PDE7B: variants seen among roughly 807,000 people sequenced by gnomAD.
PDE7B encodes phosphodiesterase 7B.
A neutral mutation model predicts 56.2 loss-of-function variants in PDE7B; 29 were observed. The observed-to-expected ratio is 0.52, with a 90% CI of 0.38 to 0.70. The LOEUF is 0.70. Ranked by LOEUF, PDE7B falls within the 30% of genes least tolerant of loss-of-function variation. The pLI, the probability that PDE7B is intolerant of heterozygous loss-of-function variation, is 0.00. For synonymous variants in PDE7B, 197 were observed against 196.9 expected (o/e 1.00, Z 0.00); for missense variants, 490 against 565.0 (o/e 0.87, Z 1.35).
intron 8 of PDE7B, 144 bp from the exon 9 acceptor site, chr6:136,173,653 T>C (rs1312466568): frequency 3.2e-6 from 2 of 617,168 alleles, no homozygotes; most frequent in Non-Finnish European, 5.7e-6. Context: ...GTTTTATCTT[T>C]TGGGTTTTTT....
chr6:135,879,532 G>A (rs553715382), intron 1 of PDE7B, among the ~76,000 whole-genome samples: 1 of 149,324 alleles, frequency 6.7e-6, no homozygotes, highest in Non-Finnish European at 1.5e-5. Context: ...ACAAAAAGTG[G>A]TTTTTTTTTT....
intron 9 of PDE7B, 132 bp from the exon 10 acceptor site, chr6:136,178,865 G>A: frequency 1.1e-6 from 1 of 944,184 alleles, no homozygotes; most frequent in Non-Finnish European, 1.7e-6. Context: ...GTGAAGGACT[G>A]GCACATTGTG....
Position 136,056,513 on chromosome 6 carries a change from T to TTTTTTCC in PDE7B, c.83-52213_83-52212insCCTTTTT, listed in dbSNP as rs1491511586. Among the ~76,000 whole-genome samples, 11 of 24,090 alleles carry TTTTTTCC rather than the reference T, an allele frequency of 4.6e-4. No individual in the cohort carries two copies. The East Asian group carries it at 0.012, about 27-fold the overall frequency. 15.8% of individuals were successfully genotyped at this position (24,090 alleles called of 152,430 possible). ...CTGAGCTCCTTTGCAGATAGAATCCTTTTTTTTTTTTTTTTTTTTTTTTTT... is the reference window on the plus strand; with the variant it reads ...CTGAGCTCCTTTGCAGATAGAATCCTTTTTTCCTTTTTTTTTTTTTTTTTTTTTTTTT... On this transcript the variant is annotated intron_variant, in intron 2 of 12. Transcript: ENST00000308191.
chr6:136,156,045 G>A, intron 8 of PDE7B: 1 of 468,064 alleles, frequency 2.1e-6, no homozygotes, highest in Non-Finnish European at 4.1e-6. Context: ...GCTGTTCTTT[G>A]TATCCAAAGA....
At chr6:135,877,428 A>G (rs970179048) in intron 1 of PDE7B, among the ~76,000 whole-genome samples, 7 of 143,618 alleles carry the variant, frequency 4.9e-5, no homozygotes, top group African/African-American at 1.6e-4. Flanking sequence ...TGGGCTTTCA[A>G]TTTTTTATGT....
At chr6:136,072,966 AGC>A (rs1444964891) in intron 2 of PDE7B, 1 of 152,176 alleles carries the variant, frequency 6.6e-6, no homozygotes. Flanking sequence ...TGGTAGGAAC[AGC>A]TAAGAGCCAC....
intron 2 of PDE7B, among the ~76,000 whole-genome samples, chr6:136,038,949 T>C (rs1776372812): frequency 6.6e-6 from 1 of 152,186 alleles, no homozygotes; most frequent in Non-Finnish European, 1.5e-5. Flanking sequence ...TAAAGTAAAA[T>C]ACATTTTCCA....
At chr6:136,126,911 T>C (rs569286760) in intron 3 of PDE7B, among the ~76,000 whole-genome samples, 66 of 152,268 alleles carry the variant, frequency 4.3e-4, no homozygotes, top group African/African-American at 1.5e-3. Context: ...AAATTACTCA[T>C]GTAACCAAAT....
At chr6:136,006,408 T>C (rs994037950) in intron 2 of PDE7B, among the ~76,000 whole-genome samples, 11 of 152,006 alleles carry the variant, frequency 7.2e-5, no homozygotes, top group Non-Finnish European at 1.3e-4. Flanking sequence ...CTTTTTTGGT[T>C]CCATATGAAT....
At chr6:135,931,949 GCGCGCACACACACACA>G (rs1241811625) in intron 1 of PDE7B, among the ~76,000 whole-genome samples, 1 of 62,164 alleles carries the variant, frequency 1.6e-5, no homozygotes, top group African/African-American at 9.4e-5. Flanking sequence ...ACACACACGC[GCGCGCACACACACACA>G]CACACACACA....
chr6:136,152,155 T>C (rs1379049133), intron 6 of PDE7B, among the ~76,000 whole-genome samples: 1 of 152,088 alleles, frequency 6.6e-6, no homozygotes, highest in African/African-American at 2.4e-5. Context: ...TTTAAACCCA[T>C]GTTCTCAAGG....
intron 2 of PDE7B, among the ~76,000 whole-genome samples, chr6:136,006,445 GA>G (rs1192695684): frequency 6.6e-6 from 1 of 152,088 alleles, no homozygotes; most frequent in Non-Finnish European, 1.5e-5. Context: ...CTGGTTCTGT[GA>G]AGAATGTCAT....
chr6:136,146,349 A>G (rs568401598), intron 3 of PDE7B, among the ~76,000 whole-genome samples: 25 of 152,302 alleles, frequency 1.6e-4, no homozygotes, highest in African/African-American at 6.0e-4. Context: ...CATTCAAATA[A>G]TGTGTTTGGG....
chr6:135,882,909 C>A (rs1775634767), intron 1 of PDE7B, among the ~76,000 whole-genome samples: 1 of 152,160 alleles, frequency 6.6e-6, no homozygotes, highest in Non-Finnish European at 1.5e-5. Context: ...GAGCTGAAAT[C>A]CATTTCTGTT....
At chr6:136,014,772 A>G (rs1233179169) in intron 2 of PDE7B, among the ~76,000 whole-genome samples, 3 of 152,228 alleles carry the variant, frequency 2.0e-5, no homozygotes, top group Non-Finnish European at 2.9e-5. Flanking sequence ...TTGTACCTCT[A>G]TTCAAAGCCT....
chr6:135,887,065 G>A (rs138093152), intron 1 of PDE7B, among the ~76,000 whole-genome samples: 79 of 152,214 alleles, frequency 5.2e-4, no homozygotes, highest in Non-Finnish European at 9.9e-4. Context: ...CTTCTTGCAG[G>A]AGTAAGGTGG....
At chr6:135,869,640 A>T (rs1355090723) in intron 1 of PDE7B, among the ~76,000 whole-genome samples, 2 of 152,180 alleles carry the variant, frequency 1.3e-5, no homozygotes, top group Non-Finnish European at 2.9e-5. Flanking sequence ...AATTTCAGAG[A>T]TTGCTAAATC....
At chr6:136,115,128 GT>G (rs1777810431) in intron 3 of PDE7B, among the ~76,000 whole-genome samples, 5 of 152,310 alleles carry the variant, frequency 3.3e-5, no homozygotes, top group Admixed American at 3.3e-4. Flanking sequence ...GGGATTTACA[GT>G]AGCATAAGCT....
At chr6:135,876,437 A>G (rs1447599176) in intron 1 of PDE7B, among the ~76,000 whole-genome samples, 1 of 152,128 alleles carries the variant, frequency 6.6e-6, no homozygotes, top group African/African-American at 2.4e-5. Flanking sequence ...ATAATCTTGC[A>G]TTTCTTCTCC....
Sources: gnomAD v4.1 joint callset for allele counts (sites outside exome capture counted in the v4.1 genomes callset) on GRCh38, gnomAD v4.1.1 for gene constraint, MANE v1.5 for transcripts, NCBI Gene and HGNC (gene_info 2026-07-23, HGNC 2026-07-21) for gene names.